The following SOCS6 variants were observed in gnomAD, a reference collection of about 807,000 sequenced individuals.
SOCS6 encodes suppressor of cytokine signaling 6.
In SOCS6, 5 loss-of-function variants were observed where a neutral mutation model predicts 27.7. The ratio of observed to expected loss-of-function variants is 0.18; its 90% CI spans 0.09 to 0.38. The LOEUF (loss-of-function observed/expected upper bound fraction) is 0.38, where lower values mean the gene tolerates loss of function less well. SOCS6 is among the 10% of genes least tolerant of loss of function. The probability of loss-of-function intolerance (pLI) is 1.00; values close to 1 mark genes in which losing one functional copy is unlikely to be tolerated. For missense variants in SOCS6, 595 were observed against 688.1 expected (o/e 0.86, Z 1.51); for synonymous variants, 271 against 260.0 (o/e 1.04, Z -0.41).
rs749608539 is a variant in SOCS6, at chr18:70,326,095, G to A, written c.1427G>A (p.Arg476Gln). Residue 476 changes from arginine to glutamine, a missense_variant, in exon 2 of 2, where the codon CGG becomes CAG. By Grantham distance (43) the Arg-to-Gln change is conservative. Transcript: ENST00000397942. ...ENGAFCYSRS[R>Q]LPGSATYPVR... ...GGAGCTTTTTGTTATTCAAGGTCTCGGCTGCCTGGATCTGCAACTTACCCC... is the reference window on the plus strand; with the variant it reads ...GGAGCTTTTTGTTATTCAAGGTCTCAGCTGCCTGGATCTGCAACTTACCCC... 5.0e-6 allele frequency: 8 copies of A among 1,614,122 alleles called. No individual in the cohort carries two copies. In the Admixed American group the frequency reaches 5.0e-5, roughly 10 times the overall value.
chr18:70,301,607 T>C (rs1429970928), intron 1 of SOCS6, among the ~76,000 whole-genome samples: 2 of 152,152 alleles, frequency 1.3e-5, no homozygotes, highest in Non-Finnish European at 2.9e-5. Flanking sequence ...AAAGTGGCAG[T>C]GTCCTGAAGG....
intron 1 of SOCS6, among the ~76,000 whole-genome samples, chr18:70,294,216 A>G (rs2062313387): frequency 6.6e-6 from 1 of 152,094 alleles, no homozygotes; most frequent in Non-Finnish European, 1.5e-5. Flanking sequence ...GCTTTTGACT[A>G]GTTAGATTAT....
chr18:70,300,797 T>C (rs2062345038), intron 1 of SOCS6, among the ~76,000 whole-genome samples: 1 of 152,240 alleles, frequency 6.6e-6, no homozygotes, highest in Non-Finnish European at 1.5e-5. Context: ...ACTTTTGTTG[T>C]AAATATAAAT....
chr18:70,319,997 T>C (rs1271438069), intron 1 of SOCS6, among the ~76,000 whole-genome samples: 1 of 149,256 alleles, frequency 6.7e-6, no homozygotes, highest in Non-Finnish European at 1.5e-5. Flanking sequence ...AATTCAAAGT[T>C]TCTTTTTTTT....
Position 70,327,159 on chromosome 18 carries a change from T to C in SOCS6, c.*883T>C, listed in dbSNP as rs1911240225. The C allele has an allele frequency of 6.0e-6, 1 of 167,016 alleles. No homozygotes were observed. The highest frequency in any genetic ancestry group is 1.5e-5 in the Non-Finnish European group (1 of 68,096). The allele number at this position is 167,016 out of a possible 1,614,324, so 10.3% of individuals were successfully genotyped here. Reference sequence around the variant, plus strand: ...ATTTTTTTGTGTGTTACCTATCCTTTTGGTAAAATGTTTTATCTGTGATTT... The same window carrying C: ...ATTTTTTTGTGTGTTACCTATCCTTCTGGTAAAATGTTTTATCTGTGATTT... On this transcript the variant is annotated 3_prime_UTR_variant, in exon 2 of 2. Transcript: ENST00000397942.
At position 70,325,490 on chromosome 18, in the gene SOCS6, T is replaced by C; in HGVS notation, c.822T>C (p.Val274=). The part of the protein sequence containing the change: ...EDESQVDQDL[V]VAPEIFVDQS... ...AGAGTCAGGTAGACCAGGACCTAGT[T>C]GTCGCCCCAGAGATCTTCGTGGATC... The change falls in exon 2 of 2, where the codon GTT becomes GTC. Residue 274 remains valine, a synonymous_variant. Transcript: ENST00000397942. The surrounding 1 kb of genome is among the most constrained non-coding windows in gnomAD (Gnocchi z 6.3). 1 of 1,614,160 alleles carries C rather than the reference T, an allele frequency of 6.2e-7. No individual in the cohort carries two copies. The highest frequency in any genetic ancestry group is 1.1e-5 in the South Asian group (1 of 91,072).
intron 1 of SOCS6, among the ~76,000 whole-genome samples, chr18:70,319,422 C>G (rs1237350187): frequency 6.6e-6 from 1 of 152,090 alleles, no homozygotes; most frequent in African/African-American, 2.4e-5. Flanking sequence ...GCCTGTGGCT[C>G]TGGTCTGTGG....
chr18:70,323,678 C>T (rs1453446886), intron 1 of SOCS6, among the ~76,000 whole-genome samples: 2 of 152,228 alleles, frequency 1.3e-5, no homozygotes, highest in Non-Finnish European at 1.5e-5. Context: ...AAGGAATTCT[C>T]GAGTATAGAG....
chr18:70,293,829 G>C (rs1170840515), intron 1 of SOCS6, among the ~76,000 whole-genome samples: 2 of 152,116 alleles, frequency 1.3e-5, no homozygotes, highest in Non-Finnish European at 2.9e-5. Flanking sequence ...GCGGTGGCTC[G>C]CGCCTGTAAT....
At position 70,325,413 on chromosome 18, in the gene SOCS6, G is replaced by C; in HGVS notation, c.745G>C (p.Glu249Gln). ...TTGTCTGGACAGCTCTTCTCCCATGGAAGTCTCTGCGGTTCCTCCTCAAGT... is the reference window on the plus strand; with the variant it reads ...TTGTCTGGACAGCTCTTCTCCCATGCAAGTCTCTGCGGTTCCTCCTCAAGT... ...SYCLDSSSPM[E>Q]VSAVPPQVGG... is the part of the protein sequence containing the mutation. Residue 249 changes from glutamate to glutamine, a missense_variant, in exon 2 of 2, where the codon GAA (glutamate) becomes CAA (glutamine). Glu to Gln is a conservative substitution (Grantham distance 29). This residue lies in a region of SOCS6 where 467 missense variants were observed against 481.1 expected (regional missense o/e 0.97). Coordinates refer to ENST00000397942, the MANE Select transcript of SOCS6 (RefSeq NM_004232.4). The surrounding 1 kb of genome is among the most constrained non-coding windows in gnomAD (Gnocchi z 6.3). 6.2e-7 allele frequency: 1 copy of C among 1,614,172 alleles called. No individual in the cohort carries two copies. Among genetic ancestry groups the C allele is most frequent in the Non-Finnish European group, 8.5e-7 (1 of 1,180,040 alleles).
chr18:70,296,987 T>C (rs60220162), intron 1 of SOCS6, among the ~76,000 whole-genome samples: 47,355 of 145,446 alleles, frequency 0.33, 8,623 homozygotes, highest in East Asian at 0.73. Context: ...TTAGCTTTTT[T>C]CTCCATTTTT....
chr18:70,306,864 G>A (rs565141150), intron 1 of SOCS6, among the ~76,000 whole-genome samples: 33 of 152,316 alleles, frequency 2.2e-4, no homozygotes, highest in African/African-American at 7.5e-4. Context: ...GTATGCTGTA[G>A]TGCATCAATT....
At chr18:70,323,732 G>A (rs936470142) in intron 1 of SOCS6, among the ~76,000 whole-genome samples, 8 of 152,148 alleles carry the variant, frequency 5.3e-5, no homozygotes, top group African/African-American at 1.9e-4. Flanking sequence ...AATTCTTTTT[G>A]TTTATTTTGA....
chr18:70,293,122 G>C (rs2062307344), intron 1 of SOCS6, among the ~76,000 whole-genome samples: 1 of 152,026 alleles, frequency 6.6e-6, no homozygotes, highest in Non-Finnish European at 1.5e-5. Flanking sequence ...ACACATCCCA[G>C]GGGGCCTGGC....
intron 1 of SOCS6, among the ~76,000 whole-genome samples, chr18:70,294,437 C>T (rs56370953): frequency 0.37 from 56,371 of 151,508 alleles, 11,358 homozygotes; most frequent in Middle Eastern, 0.46. Flanking sequence ...TGTTTTCTAA[C>T]TGTTCTCCTC....
chr18:70,289,938 G>T (rs2062291470), intron 1 of SOCS6, among the ~76,000 whole-genome samples: 1 of 152,214 alleles, frequency 6.6e-6, no homozygotes, highest in Non-Finnish European at 1.5e-5. Flanking sequence ...CAAAACTTGG[G>T]ATATGTGCAG....
Position 70,307,806 on chromosome 18 carries a change from A to G in SOCS6, c.-126-16737A>G, listed in dbSNP as rs78256521. 9.6e-3 allele frequency among the ~76,000 whole-genome samples: 1,462 copies of G among 151,730 alleles called. 9 individuals are homozygous for G. Among genetic ancestry groups the G allele is most frequent in the Middle Eastern group, 0.02 (6 of 294 alleles). Reference sequence around the variant, plus strand: ...TTTCAAATGACTCACTTTTGGTTTTATTTGTTTTTTCCCTCTTGTTTTTCT... The same window carrying G: ...TTTCAAATGACTCACTTTTGGTTTTGTTTGTTTTTTCCCTCTTGTTTTTCT... On this transcript the variant is annotated intron_variant, in intron 1 of 1. Transcript: ENST00000397942.
chr18:70,306,677 A>C (rs1321979455), intron 1 of SOCS6, among the ~76,000 whole-genome samples: 1 of 152,076 alleles, frequency 6.6e-6, no homozygotes, highest in Admixed American at 6.6e-5. Context: ...GTGGCAAAGC[A>C]TTCAGCCCTT....
chr18:70,310,419 C>T (rs1406415892), intron 1 of SOCS6, among the ~76,000 whole-genome samples: 21 of 147,946 alleles, frequency 1.4e-4, no homozygotes, highest in Non-Finnish European at 2.5e-4. Context: ...GTAGCTGGGA[C>T]TATAGGTATT....
Sources: gnomAD v4.1 joint callset for allele counts (sites outside exome capture counted in the v4.1 genomes callset) on GRCh38, gnomAD v4.1.1 for gene constraint, gnomAD v4.1.1 regional missense constraint, Gnocchi (gnomAD v3.1) non-coding constraint, MANE v1.5 for transcripts, NCBI Gene and HGNC (gene_info 2026-07-23, HGNC 2026-07-21) for gene names.